The following RNF175 variants were observed in gnomAD, a reference collection of about 807,000 sequenced individuals.
RNF175 encodes the protein ring finger protein 175.
RNF175 carries 38 observed loss-of-function variants against 50.0 expected under a neutral mutation model. The ratio of observed to expected loss-of-function variants is 0.76; its 90% CI spans 0.59 to 1.00. The LOEUF (loss-of-function observed/expected upper bound fraction) is 1.00, where lower values mean the gene tolerates loss of function less well. Ranked by LOEUF, RNF175 falls within the 50% of genes least tolerant of loss-of-function variation. The pLI is 0.00. For synonymous variants in RNF175, 155 were observed against 146.1 expected, an observed-to-expected ratio of 1.06 and a Z score of -0.44; for missense variants, 388 against 409.6, an observed-to-expected ratio of 0.95 and a Z score of 0.46.
intron 7 of RNF175, chr4:153,713,074 A>G (rs1203427569): frequency 1.3e-5 from 2 of 152,086 alleles, no homozygotes; most frequent in Non-Finnish European, 2.9e-5. Context: ...TAACTTCATA[A>G]TTTTTTTTCT....
chr4:153,740,095 C>T (rs148035045), intron 3 of RNF175, among the ~76,000 whole-genome samples: 39 of 152,022 alleles, frequency 2.6e-4, no homozygotes, highest in African/African-American at 9.4e-4. Context: ...TCTTCAAGCT[C>T]ACTAATTCCT....
intron 4 of RNF175, among the ~76,000 whole-genome samples, chr4:153,724,079 C>G (rs1738518781): frequency 6.6e-6 from 1 of 152,190 alleles, no homozygotes; most frequent in African/African-American, 2.4e-5. Flanking sequence ...GCGTGTACCC[C>G]AGCACCCTCT....
chr4:153,738,867 G>C lies in RNF175; in HGVS notation c.246+9778C>G, dbSNP rs563866374. 6.6e-4 allele frequency among the ~76,000 whole-genome samples: 100 copies of C among 152,020 alleles called. 1 individual carries two copies. Among genetic ancestry groups the C allele is most frequent in the African/African-American group, 2.1e-3 (88 of 41,440 alleles). On this transcript the variant is annotated intron_variant, in intron 3 of 8. Coordinates refer to ENST00000347063, the MANE Select transcript of RNF175 (RefSeq NM_173662.4). ...AGATTCCATTTTCTCTCCTCTATTA[G>C]TATATCAATTATACTCCTTTACAAT...
intron 5 of RNF175, among the ~76,000 whole-genome samples, chr4:153,723,003 A>G (rs1033464905): frequency 6.6e-6 from 1 of 152,236 alleles, no homozygotes; most frequent in Non-Finnish European, 1.5e-5. Flanking sequence ...AAGAAGATAT[A>G]TATAAAAGGA....
intron 1 of RNF175, among the ~76,000 whole-genome samples, chr4:153,755,356 G>A (rs969229349): frequency 2.6e-5 from 4 of 152,250 alleles, no homozygotes; most frequent in Admixed American, 1.3e-4. Context: ...GCTAGCAAGA[G>A]CTTAACAGTG....
intron 4 of RNF175, 104 bp downstream of exon 4, chr4:153,728,103 A>G (rs1019178324): frequency 2.7e-6 from 2 of 734,594 alleles, no homozygotes; most frequent in Non-Finnish European, 4.1e-6. Context: ...ACGTAAAAGA[A>G]ATGTAACCCC....
intron 3 of RNF175, chr4:153,729,860 T>C (rs1375453187): frequency 2.1e-6 from 2 of 945,484 alleles, no homozygotes; most frequent in South Asian, 4.9e-5. Flanking sequence ...CAATTTTTGT[T>C]TTTTAACTTC....
rs1325216298 is a variant in RNF175, at chr4:153,718,226, G to GTTTTTTTTT, written c.630+1957_630+1958insAAAAAAAAA. 3.0e-3 allele frequency among the ~76,000 whole-genome samples: 92 copies of GTTTTTTTTT among 30,564 alleles called. 1 individual carries two copies. Among genetic ancestry groups the GTTTTTTTTT allele is most frequent in the Admixed American group, 6.4e-3 (11 of 1,728 alleles). The allele number at this position is 30,564 out of a possible 152,430, so 20.1% of individuals were successfully genotyped here. A position where few individuals can be genotyped will look rare whatever the true frequency, so the allele number is the denominator to read the frequency against. ...CCTAAGGAGTTTTTTTTGTTTGTTTGTTTGTTTGTTTGTTTTTTTTTTTTT... is the reference window on the plus strand; with the variant it reads ...CCTAAGGAGTTTTTTTTGTTTGTTTGTTTTTTTTTTTTGTTTGTTTGTTTTTTTTTTTTT... On this transcript the variant is annotated intron_variant, in intron 6 of 8. Transcript: ENST00000347063.
intron 2 of RNF175, among the ~76,000 whole-genome samples, chr4:153,750,518 T>C (rs146637202): frequency 1.9e-3 from 297 of 152,334 alleles, no homozygotes; most frequent in Non-Finnish European, 3.4e-3. Flanking sequence ...TTACCATAGA[T>C]GGAATGAATC....
intron 1 of RNF175, among the ~76,000 whole-genome samples, chr4:153,757,679 C>T (rs1740628963): frequency 6.6e-6 from 1 of 151,990 alleles, no homozygotes; most frequent in Admixed American, 6.6e-5. Context: ...TGGGTCCTCT[C>T]AGCTCTCAGG....
At chr4:153,745,544 C>A (rs1309232347) in intron 3 of RNF175, 1 of 152,182 alleles carries the variant, frequency 6.6e-6, no homozygotes, top group Admixed American at 6.5e-5. Flanking sequence ...ATATGCAAAC[C>A]ATTAATGCCA....
At chr4:153,739,128 G>A (rs1739508758) in intron 3 of RNF175, among the ~76,000 whole-genome samples, 1 of 152,182 alleles carries the variant, frequency 6.6e-6, no homozygotes, top group African/African-American at 2.4e-5. Context: ...GAGGAATTAA[G>A]AAAAAGAAAT....
At chr4:153,716,160 T>C (rs1034737689) in intron 6 of RNF175, among the ~76,000 whole-genome samples, 3 of 151,976 alleles carry the variant, frequency 2.0e-5, no homozygotes, top group Non-Finnish European at 4.4e-5. Flanking sequence ...ACAGAGGGGT[T>C]AAGGTTTCCA....
intron 7 of RNF175, chr4:153,713,726 T>C (rs2127086043): frequency 6.6e-6 from 1 of 152,328 alleles, no homozygotes; most frequent in East Asian, 1.9e-4. Flanking sequence ...TTTTATGTTC[T>C]TGGAATTGGG....
chr4:153,721,776 G>A (rs1202761777), intron 5 of RNF175, among the ~76,000 whole-genome samples: 1 of 152,104 alleles, frequency 6.6e-6, no homozygotes, highest in Non-Finnish European at 1.5e-5. Context: ...ATCGTTCCCA[G>A]TGATTTCAAA....
chr4:153,716,316 A>C (rs1042655511), intron 6 of RNF175, among the ~76,000 whole-genome samples: 26 of 152,268 alleles, frequency 1.7e-4, no homozygotes, highest in African/African-American at 5.3e-4. Context: ...GAAGCCTTTG[A>C]GTTTAATCCA....
chr4:153,755,832 T>C (rs967745231), intron 1 of RNF175, among the ~76,000 whole-genome samples: 2 of 152,246 alleles, frequency 1.3e-5, no homozygotes, highest in Non-Finnish European at 2.9e-5. Flanking sequence ...TATTTTTATA[T>C]ATCTACATAA....
chr4:153,748,849 A>AAAAC (rs772266795), intron 2 of RNF175, 63 bp from the exon 3 acceptor site: 18 of 1,078,926 alleles, frequency 1.7e-5, no homozygotes, highest in Middle Eastern at 2.6e-4. Context: ...AGCAAAAAAA[A>AAAAC]CAAAAAACAA....
chr4:153,721,557 G>GGA (rs1274303688), intron 5 of RNF175: 2 of 152,108 alleles, frequency 1.3e-5, no homozygotes, highest in Non-Finnish European at 2.9e-5. Flanking sequence ...TCCATGTCCA[G>GGA]GGAAATATGT....
Sources: gnomAD v4.1 joint callset for allele counts (sites outside exome capture counted in the v4.1 genomes callset) on GRCh38, gnomAD v4.1.1 for gene constraint, MANE v1.5 for transcripts, NCBI Gene and HGNC (gene_info 2026-07-23, HGNC 2026-07-21) for gene names.